CADM2: variants seen among roughly 807,000 people sequenced by gnomAD.
The protein encoded by CADM2 is immunoglobulin superfamily member 4D.
CADM2 carries 12 observed loss-of-function variants against 49.8 expected under a neutral mutation model. The ratio of observed to expected loss-of-function variants is 0.24; its 90% CI spans 0.15 to 0.39. CADM2 has a LOEUF of 0.39. Among genes scored for constraint, CADM2 ranks in the 10% least tolerant of loss-of-function variants. The probability of loss-of-function intolerance (pLI) is 1.00; values close to 1 mark genes in which losing one functional copy is unlikely to be tolerated. For missense variants in CADM2, 378 were observed against 492.3 expected, an observed-to-expected ratio of 0.77 and a Z score of 2.20; for synonymous variants, 214 against 175.4, an observed-to-expected ratio of 1.22 and a Z score of -1.74.
intron 1 of CADM2, among the ~76,000 whole-genome samples, chr3:85,481,481 A>G (rs1039337349): frequency 4.0e-5 from 6 of 151,764 alleles, no homozygotes; most frequent in Non-Finnish European, 7.4e-5. Context: ...ATCTACTAAC[A>G]GCATGGCTAT....
At chr3:85,055,704 T>G (rs920312697) in intron 1 of CADM2, among the ~76,000 whole-genome samples, 1 of 152,074 alleles carries the variant, frequency 6.6e-6, no homozygotes, top group Non-Finnish European at 1.5e-5. Flanking sequence ...ATAATTTTAA[T>G]AAGAGTTACG....
intron 1 of CADM2, among the ~76,000 whole-genome samples, chr3:85,119,985 T>C (rs2038793495): frequency 6.6e-6 from 1 of 152,092 alleles, no homozygotes; most frequent in African/African-American, 2.4e-5. Flanking sequence ...TAAACAAATT[T>C]ACAAGAATAA....
At chr3:85,584,977 C>T (rs1303083583) in intron 1 of CADM2, among the ~76,000 whole-genome samples, 5 of 152,014 alleles carry the variant, frequency 3.3e-5, no homozygotes, top group East Asian at 3.9e-4. Context: ...CCTTTAGCCG[C>T]GGTTTCACTT....
chr3:85,765,559 T>C (rs1273286270), intron 2 of CADM2, among the ~76,000 whole-genome samples: 1 of 152,064 alleles, frequency 6.6e-6, no homozygotes, highest in African/African-American at 2.4e-5. Flanking sequence ...CTGGGAGCTT[T>C]TCAATTTCCT....
At chr3:85,875,101 T>C (rs1163357290) in intron 3 of CADM2, among the ~76,000 whole-genome samples, 1 of 152,160 alleles carries the variant, frequency 6.6e-6, no homozygotes, top group East Asian at 1.9e-4. Context: ...GAATACCAAA[T>C]AGGAGCTCTG....
intron 1 of CADM2, among the ~76,000 whole-genome samples, chr3:85,112,990 T>C (rs2038516091): frequency 6.6e-6 from 1 of 152,010 alleles, no homozygotes; most frequent in African/African-American, 2.4e-5. Context: ...TTATAAATTA[T>C]ACACTTCTGG....
intron 1 of CADM2, among the ~76,000 whole-genome samples, chr3:85,097,551 T>C (rs2037846928): frequency 6.6e-6 from 1 of 152,194 alleles, no homozygotes; most frequent in Admixed American, 6.5e-5. Context: ...TATTTCTAGT[T>C]CTAGATCCCT....
intron 1 of CADM2, among the ~76,000 whole-genome samples, chr3:85,360,056 C>G (rs944890974): frequency 1.3e-5 from 2 of 151,442 alleles, no homozygotes; most frequent in Non-Finnish European, 2.9e-5. Flanking sequence ...TGAATTTTCA[C>G]GTATACAAAG....
intron 1 of CADM2, among the ~76,000 whole-genome samples, chr3:85,625,835 A>G (rs928702701): frequency 6.6e-6 from 1 of 152,006 alleles, no homozygotes; most frequent in Non-Finnish European, 1.5e-5. Flanking sequence ...TAAAGCATTG[A>G]TTTTAAAACT....
intron 3 of CADM2, among the ~76,000 whole-genome samples, chr3:85,807,440 A>G (rs2108103854): frequency 1.4e-5 from 2 of 147,644 alleles, no homozygotes; most frequent in South Asian, 2.2e-4. Flanking sequence ...CAGAGGTTGC[A>G]GTGAACTGAG....
chr3:85,166,793 G>A (rs1023748346), intron 1 of CADM2, among the ~76,000 whole-genome samples: 4 of 151,932 alleles, frequency 2.6e-5, no homozygotes, highest in Admixed American at 1.3e-4. Context: ...GAATACTGGA[G>A]AATGTCATTT....
intron 1 of CADM2, among the ~76,000 whole-genome samples, chr3:85,581,969 C>T (rs1282380961): frequency 6.6e-6 from 1 of 151,810 alleles, no homozygotes; most frequent in Non-Finnish European, 1.5e-5. Flanking sequence ...GCTCTATCAC[C>T]AGGGTGGAGT....
At chr3:85,323,104 A>C (rs1000939916) in intron 1 of CADM2, among the ~76,000 whole-genome samples, 1 of 152,090 alleles carries the variant, frequency 6.6e-6, no homozygotes, top group Non-Finnish European at 1.5e-5. Context: ...CTCCTCTAAC[A>C]TCCTAGAGCT....
intron 1 of CADM2, among the ~76,000 whole-genome samples, chr3:85,072,212 C>T (rs549050891): frequency 7.2e-5 from 11 of 151,962 alleles, no homozygotes; most frequent in South Asian, 2.1e-4. Context: ...ATACTTACAA[C>T]GGTCAGAAAA....
chr3:85,600,125 C>A (rs941105471), intron 1 of CADM2, among the ~76,000 whole-genome samples: 1 of 151,838 alleles, frequency 6.6e-6, no homozygotes, highest in Non-Finnish European at 1.5e-5. Flanking sequence ...CTTTCAAATA[C>A]AAATTATTGC....
chr3:85,379,773 G>C (rs1219304100), intron 1 of CADM2, among the ~76,000 whole-genome samples: 2 of 151,932 alleles, frequency 1.3e-5, no homozygotes, highest in Admixed American at 6.6e-5. Context: ...TATTCAAGTT[G>C]TTACATTTTG....
chr3:85,259,415 A>AT (rs11372380), intron 1 of CADM2, among the ~76,000 whole-genome samples: 102,433 of 151,682 alleles, frequency 0.68, 35,453 homozygotes, highest in African/African-American at 0.82. Flanking sequence ...ATTTTCAGAA[A>AT]ACTTTCATGA....
intron 1 of CADM2, among the ~76,000 whole-genome samples, chr3:85,675,663 G>A (rs1342251744): frequency 1.3e-5 from 2 of 152,080 alleles, no homozygotes; most frequent in Admixed American, 1.3e-4. Context: ...TTTTGATGGT[G>A]GGAATGAAAA....
At chr3:85,572,511 C>T (rs554126899) in intron 1 of CADM2, among the ~76,000 whole-genome samples, 4 of 152,004 alleles carry the variant, frequency 2.6e-5, no homozygotes, top group South Asian at 2.1e-4. Flanking sequence ...GGGAAATTGG[C>T]GTGCATGATT....
Sources: allele counts gnomAD v4.1 joint callset (sites outside exome capture counted in the v4.1 genomes callset), GRCh38; gene constraint gnomAD v4.1.1; transcripts MANE v1.5; gene names NCBI Gene and HGNC (gene_info 2026-07-23, HGNC 2026-07-21).